BACH2: variants seen among roughly 807,000 people sequenced by gnomAD.
The protein encoded by BACH2 is BACH transcriptional regulator 2.
BACH2 carries 5 observed loss-of-function variants against 61.8 expected under a neutral mutation model. That is an observed-to-expected ratio of 0.08 (90% CI 0.04 to 0.17). BACH2 has a LOEUF of 0.17. Among genes scored for constraint, BACH2 ranks in the 10% least tolerant of loss-of-function variants. The pLI, the probability that BACH2 is intolerant of heterozygous loss-of-function variation, is 1.00. For synonymous variants in BACH2, 446 were observed against 440.1 expected (o/e 1.01, Z -0.17); for missense variants, 824 against 1,091.1 (o/e 0.76, Z 3.45).
At chr6:90,031,998 C>T (rs1779008772) in intron 5 of BACH2, among the ~76,000 whole-genome samples, 1 of 152,098 alleles carries the variant, frequency 6.6e-6, no homozygotes. Context: ...GTACTGGTAC[C>T]AAGACAGACA....
intron 5 of BACH2, among the ~76,000 whole-genome samples, chr6:90,027,336 G>A (rs1362616805): frequency 2.0e-5 from 3 of 152,146 alleles, no homozygotes; most frequent in Non-Finnish European, 2.9e-5. Context: ...GTGACCAAAA[G>A]GTAGTGACAC....
At chr6:90,230,465 C>T (rs746688483) in intron 3 of BACH2, among the ~76,000 whole-genome samples, 3 of 152,172 alleles carry the variant, frequency 2.0e-5, no homozygotes, top group African/African-American at 4.8e-5. Context: ...TAAATATAAG[C>T]TGAGCTGATG....
chr6:89,942,542 G>T (rs765429241), intron 7 of BACH2, among the ~76,000 whole-genome samples: 1 of 152,190 alleles, frequency 6.6e-6, no homozygotes, highest in African/African-American at 2.4e-5. Flanking sequence ...GCAGTGGCTT[G>T]GTTTCCTAAA....
At chr6:90,049,678 G>A (rs1779946461) in intron 5 of BACH2, among the ~76,000 whole-genome samples, 1 of 152,180 alleles carries the variant, frequency 6.6e-6, no homozygotes, top group Non-Finnish European at 1.5e-5. Flanking sequence ...ACTCACCATA[G>A]AACAGGGTGA....
At chr6:90,027,165 A>G (rs987869103) in intron 5 of BACH2, among the ~76,000 whole-genome samples, 16 of 152,170 alleles carry the variant, frequency 1.1e-4, no homozygotes, top group Non-Finnish European at 2.1e-4. Context: ...ACCTGTCACC[A>G]AGCAGGAGGT....
chr6:90,202,257 T>G (rs897467434), intron 4 of BACH2, among the ~76,000 whole-genome samples: 2 of 152,116 alleles, frequency 1.3e-5, no homozygotes, highest in African/African-American at 4.8e-5. Flanking sequence ...AGTCTGGACT[T>G]CACAGCTTCA....
At chr6:90,092,291 A>AAAAAAAAAAAAAAAAAAATATAT in intron 4 of BACH2, among the ~76,000 whole-genome samples, 14 of 113,818 alleles carry the variant, frequency 1.2e-4, no homozygotes, top group African/African-American at 4.7e-4. Context: ...AAAAAAAAAA[A>AAAAAAAAAAAAAAAAAAATATAT]ATATATATAT....
chr6:90,065,837 T>C lies in BACH2; in HGVS notation c.-13+23124A>G, dbSNP rs147944145. 3.7e-3 allele frequency among the ~76,000 whole-genome samples: 565 copies of C among 152,304 alleles called. 6 individuals carry two copies. Among genetic ancestry groups the C allele is most frequent in the African/African-American group, 0.013 (535 of 41,564 alleles). ...AATCCACCTGTGGAAGCACGACACG[T>C]GTGGGAAACATTTAAATAACCATAG... On this transcript the variant is annotated intron_variant, in intron 5 of 8. Transcript: ENST00000257749.
intron 2 of BACH2, among the ~76,000 whole-genome samples, chr6:90,260,466 T>C (rs1771120865): frequency 6.6e-6 from 1 of 152,188 alleles, no homozygotes; most frequent in African/African-American, 2.4e-5. Context: ...GCCTAACATA[T>C]GGTCTATCCT....
At chr6:90,050,095 C>T (rs1315565491) in intron 5 of BACH2, among the ~76,000 whole-genome samples, 1 of 152,166 alleles carries the variant, frequency 6.6e-6, no homozygotes, top group Admixed American at 6.5e-5. Flanking sequence ...CTACTGTAAG[C>T]TTGGCAGCTT....
intron 5 of BACH2, among the ~76,000 whole-genome samples, chr6:90,046,195 C>A (rs989398079): frequency 1.3e-5 from 2 of 152,042 alleles, no homozygotes; most frequent in Non-Finnish European, 2.9e-5. Context: ...AAAACACACT[C>A]AAAAAAGAGC....
intron 4 of BACH2, among the ~76,000 whole-genome samples, chr6:90,151,631 G>A (rs1488681032): frequency 6.6e-6 from 1 of 152,110 alleles, no homozygotes; most frequent in Non-Finnish European, 1.5e-5. Context: ...ATCTGCTCCT[G>A]CCATAAGACA....
In BACH2 at chr6:90,246,481, G is replaced by A. The variant is rs142961742; in HGVS notation, c.-275+6032C>T. On this transcript the variant is annotated intron_variant, in intron 3 of 8. Coordinates refer to ENST00000257749, the MANE Select transcript of BACH2 (RefSeq NM_021813.4). ...AGATTTCCATACAAAAGAAAAATGC[G>A]TTACATTCCTCCCTATTGATGTCTA... Among the ~76,000 whole-genome samples, 14 of 152,018 alleles carry A rather than the reference G, an allele frequency of 9.2e-5. 1 individual carries two copies. The highest frequency in any genetic ancestry group is 2.1e-4 in the South Asian group (1 of 4,812).
chr6:90,284,577 C>T (rs896417451), intron 1 of BACH2, among the ~76,000 whole-genome samples: 6 of 152,074 alleles, frequency 3.9e-5, no homozygotes, highest in African/African-American at 7.2e-5. Context: ...AACACAGCCC[C>T]GACAGGAGAT....
intron 5 of BACH2, among the ~76,000 whole-genome samples, chr6:90,049,485 G>A (rs574796905): frequency 2.6e-5 from 4 of 152,248 alleles, no homozygotes; most frequent in South Asian, 2.1e-4. Flanking sequence ...TGGGAATCCC[G>A]AGACCCTTTC....
intron 1 of BACH2, among the ~76,000 whole-genome samples, chr6:90,293,812 A>G (rs551989835): frequency 6.6e-6 from 1 of 152,350 alleles, no homozygotes; most frequent in African/African-American, 2.4e-5. Flanking sequence ...ATATCTGAAT[A>G]ACAATACTGT....
intron 4 of BACH2, among the ~76,000 whole-genome samples, chr6:90,192,819 A>C (rs937901101): frequency 6.6e-6 from 1 of 152,258 alleles, no homozygotes; most frequent in African/African-American, 2.4e-5. Flanking sequence ...GCACTCACTT[A>C]CATATAAATC....
intron 6 of BACH2, among the ~76,000 whole-genome samples, chr6:89,985,787 T>C (rs1306237035): frequency 6.6e-6 from 1 of 152,194 alleles, no homozygotes; most frequent in African/African-American, 2.4e-5. Context: ...GCAAGGCAAC[T>C]GAAAGCCCCT....
At chr6:90,182,456 T>C (rs1024991023) in intron 4 of BACH2, among the ~76,000 whole-genome samples, 33 of 152,174 alleles carry the variant, frequency 2.2e-4, no homozygotes, top group African/African-American at 7.5e-4. Context: ...CTTCACCCTT[T>C]GCATGCCCTC....
Sources: gnomAD v4.1 joint callset for allele counts (sites outside exome capture counted in the v4.1 genomes callset) on GRCh38, gnomAD v4.1.1 for gene constraint, MANE v1.5 for transcripts, NCBI Gene and HGNC (gene_info 2026-07-23, HGNC 2026-07-21) for gene names.